FCER1A: variants seen among roughly 807,000 people sequenced by gnomAD.
The protein encoded by FCER1A is high affinity immunoglobulin epsilon receptor subunit alpha.
Under a neutral mutation model 23.6 loss-of-function variants are expected in FCER1A, and 24 were observed. The ratio of observed to expected loss-of-function variants is 1.02; its 90% confidence interval spans 0.74 to 1.43. FCER1A has a LOEUF of 1.43. Among genes scored for constraint, FCER1A ranks in the 40% most tolerant of loss-of-function variants. The probability of loss-of-function intolerance (pLI) is 0.00; values close to 1 mark genes in which losing one functional copy is unlikely to be tolerated. For synonymous variants in FCER1A, 121 were observed against 108.8 expected, an observed-to-expected ratio of 1.11 and a Z score of -0.70; for missense variants, 318 against 294.5, an observed-to-expected ratio of 1.08 and a Z score of -0.58.
chr1:159,291,768 TC>T (rs769446090), intron 1 of FCER1A, among the ~76,000 whole-genome samples: 3 of 152,168 alleles, frequency 2.0e-5, no homozygotes, highest in Non-Finnish European at 4.4e-5. Context: ...CAGAATATTG[TC>T]CGCACATGTT....
upstream of FCER1A, among the ~76,000 whole-genome samples, chr1:159,299,749 A>T (rs11809585): frequency 0.02 from 3,066 of 152,192 alleles, 40 homozygotes; most frequent in East Asian, 0.066. Flanking sequence ...CAGATAATGG[A>T]TATGAAACTT....
intron 1 of FCER1A, among the ~76,000 whole-genome samples, 162 bp downstream of exon 1, chr1:159,302,581 G>A (rs1238303081): frequency 6.6e-6 from 1 of 152,168 alleles, no homozygotes; most frequent in Non-Finnish European, 1.5e-5. Flanking sequence ...GAAAGCAGAG[G>A]CAAGTGGGCT....
At chr1:159,301,735 G>C (rs980073554), upstream of FCER1A, among the ~76,000 whole-genome samples, 4 of 152,186 alleles carry the variant, frequency 2.6e-5, no homozygotes, top group Non-Finnish European at 4.4e-5. Context: ...GCAGTTGCTA[G>C]CCATGCTCCT....
chr1:159,300,919 T>C (rs1652414369), upstream of FCER1A, among the ~76,000 whole-genome samples: 2 of 152,328 alleles, frequency 1.3e-5, no homozygotes, highest in South Asian at 4.1e-4. Context: ...CAACTTGTAC[T>C]TTTCAAAATA....
upstream of FCER1A, among the ~76,000 whole-genome samples, chr1:159,299,993 G>T (rs1390072828): frequency 6.6e-6 from 1 of 151,850 alleles, no homozygotes; most frequent in African/African-American, 2.4e-5. Context: ...GGGTGGGCTG[G>T]GAAGATGGGT....
At chr1:159,303,563 A>C (rs957699771) in intron 2 of FCER1A, among the ~76,000 whole-genome samples, 1 of 152,238 alleles carries the variant, frequency 6.6e-6, no homozygotes, top group African/African-American at 2.4e-5. Context: ...TTAATGTAAC[A>C]ATGGTTGAAC....
At position 159,302,851 on chromosome 1, in the gene FCER1A, C is replaced by A. The variant is rs1323622141; in HGVS notation, c.56-3C>A. 6.2e-7 allele frequency: 1 copy of A among 1,613,444 alleles called. No individual in the cohort carries two copies. The highest frequency in any genetic ancestry group is 2.2e-5 in the East Asian group (1 of 44,870). On this transcript the variant is annotated splice_region_variant and splice_polypyrimidine_tract_variant and intron_variant, in intron 1 of 4. Transcript: ENST00000693622. ...CTAATGTATCCTCTCTGGACTTTTGCAGCTCCAGATGGCGTGTTAGCAGGT... is the reference window on the plus strand; with the variant it reads ...CTAATGTATCCTCTCTGGACTTTTGAAGCTCCAGATGGCGTGTTAGCAGGT...
chr1:159,304,928 T>C (rs1233608338), intron 3 of FCER1A, among the ~76,000 whole-genome samples: 1 of 152,058 alleles, frequency 6.6e-6, no homozygotes, highest in Non-Finnish European at 1.5e-5. Flanking sequence ...TCTGGGTACA[T>C]TTCCTTATGT....
upstream of FCER1A, among the ~76,000 whole-genome samples, chr1:159,289,353 C>A (rs1652090558): frequency 6.6e-6 from 1 of 152,208 alleles, no homozygotes; most frequent in African/African-American, 2.4e-5. Context: ...GAACTGTTAT[C>A]TTCCTGAACT....
chr1:159,293,196 G>A (rs1223700587), intron 1 of FCER1A, among the ~76,000 whole-genome samples: 1 of 151,620 alleles, frequency 6.6e-6, no homozygotes, highest in Non-Finnish European at 1.5e-5. Context: ...GTGTGTGTGT[G>A]TGTGTATGTG....
upstream of FCER1A, among the ~76,000 whole-genome samples, chr1:159,297,915 A>G (rs1341202980): frequency 2.6e-5 from 4 of 152,120 alleles, no homozygotes; most frequent in Non-Finnish European, 4.4e-5. Context: ...TTTTTATACT[A>G]CAACTTTCCT....
rs544781729 is a variant in FCER1A, at chr1:159,294,272, A to G, written c.-60+4519A>G. Among the ~76,000 whole-genome samples the G allele has an allele frequency of 2.3e-3, 349 of 152,282 alleles. 3 individuals carry two copies. The highest frequency in any genetic ancestry group is 1.9e-3 in the South Asian group (9 of 4,830). On this transcript the variant is annotated intron_variant, in intron 1 of 5. Coordinates refer to the FCER1A transcript ENST00000368115. ...CTGCTATAAAGACACATGCACACGTATGTTTATTGCGGCACTATTCACAAT... is the reference window on the plus strand; with the variant it reads ...CTGCTATAAAGACACATGCACACGTGTGTTTATTGCGGCACTATTCACAAT...
chr1:159,304,198 A>G lies in FCER1A; in HGVS notation c.331+16A>G. ...GTCTTCAGTGGTAAGTTCCAGGGAT[A>G]TGGAAATACAGATCTCTCATGTGAG... On this transcript the variant is annotated intron_variant, in intron 3 of 4. Transcript: ENST00000693622. 1.2e-6 allele frequency: 2 copies of G among 1,609,220 alleles called. No homozygotes were observed. Among genetic ancestry groups the G allele is most frequent in the Non-Finnish European group, 1.7e-6 (2 of 1,176,426 alleles).
At chr1:159,306,914 G>T (rs1430768349) in intron 4 of FCER1A, among the ~76,000 whole-genome samples, 1 of 152,118 alleles carries the variant, frequency 6.6e-6, no homozygotes, top group African/African-American at 2.4e-5. Flanking sequence ...AAAGCATGAG[G>T]TCAAAATACA....
At chr1:159,302,770 A>G (rs1652473975) in intron 1 of FCER1A, 84 bp from the exon 2 acceptor site, 1 of 1,250,582 alleles carries the variant, frequency 8.0e-7, no homozygotes, top group African/African-American at 1.5e-5. Flanking sequence ...ATGGATGTAG[A>G]TCTTATCCCC....
intron 2 of FCER1A, among the ~76,000 whole-genome samples, chr1:159,303,706 CAT>C (rs1293254318): frequency 6.6e-5 from 10 of 152,184 alleles, no homozygotes; most frequent in Non-Finnish European, 1.0e-4. Flanking sequence ...AAATCTCCTG[CAT>C]ATGTGTCCTG....
At chr1:159,288,492 G>A (rs1156727926), upstream of FCER1A, among the ~76,000 whole-genome samples, 2 of 152,180 alleles carry the variant, frequency 1.3e-5, no homozygotes, top group Non-Finnish European at 2.9e-5. Context: ...TTTACTGGAT[G>A]TGGTCATTTA....
chr1:159,307,963 A>G lies in FCER1A; in HGVS notation c.*31A>G. The stretch of plus-strand genomic sequence containing the variant: ...TTACTCAAGAAATATTTGCAACATT[A>G]GTTTTTTTCCAGCATCAGCAATTGC... On this transcript the variant is annotated 3_prime_UTR_variant, in exon 5 of 5. Transcript: ENST00000693622. The G allele has an allele frequency of 6.5e-7, 1 of 1,539,394 alleles. No homozygotes were observed. Among genetic ancestry groups the G allele is most frequent in the South Asian group, 1.2e-5 (1 of 84,014 alleles).
At position 159,304,124 on chromosome 1, in the gene FCER1A, C is replaced by T. The variant is rs1167229517; in HGVS notation, c.273C>T (p.Tyr91=). The change falls in exon 3 of 5, where the codon TAC becomes TAT. Residue 91 remains tyrosine, a synonymous_variant. Transcript: ENST00000693622. ...VNAKFEDSGE[Y]KCQHQQVNES... Reference sequence around the variant, plus strand: ...CCAAATTTGAAGACAGTGGAGAATACAAATGTCAGCACCAACAAGTTAATG... The same window carrying T: ...CCAAATTTGAAGACAGTGGAGAATATAAATGTCAGCACCAACAAGTTAATG... 2.0e-5 allele frequency: 33 copies of T among 1,613,736 alleles called. No individual in the cohort carries two copies. Among genetic ancestry groups the T allele is most frequent in the Non-Finnish European group, 2.4e-5 (28 of 1,179,782 alleles).
Sources: gnomAD v4.1 joint callset for allele counts (sites outside exome capture counted in the v4.1 genomes callset) on GRCh38, gnomAD v4.1.1 for gene constraint, MANE v1.5 for transcripts, NCBI Gene and HGNC (gene_info 2026-07-23, HGNC 2026-07-21) for gene names.